The following ACTN2 variants were observed in gnomAD, a reference collection of about 807,000 sequenced individuals.
The protein encoded by ACTN2 is actinin alpha 2.
ACTN2 carries 39 observed loss-of-function variants against 113.8 expected under a neutral mutation model. The ratio of observed to expected loss-of-function variants is 0.34; its 90% confidence interval spans 0.27 to 0.45. The LOEUF is 0.45. Among genes scored for constraint, ACTN2 ranks in the 20% least tolerant of loss-of-function variants. The pLI, the probability that ACTN2 is intolerant of heterozygous loss-of-function variation, is 1.00. For missense variants in ACTN2, 992 were observed against 1,177.9 expected, an observed-to-expected ratio of 0.84 and a Z score of 2.31; for synonymous variants, 429 against 444.1, an observed-to-expected ratio of 0.97 and a Z score of 0.43.
chr1:236,745,170 C>T (rs936331723), intron 12 of ACTN2, among the ~76,000 whole-genome samples: 36 of 152,132 alleles, frequency 2.4e-4, no homozygotes, highest in African/African-American at 7.7e-4. Context: ...CGCGGTGGCT[C>T]ACGCCTGTAA....
chr1:236,755,939 G>T (rs35801202), intron 17 of ACTN2, among the ~76,000 whole-genome samples: 18 of 12,922 alleles, frequency 1.4e-3, no homozygotes, highest in Admixed American at 4.4e-3. Context: ...TACTGCAGAG[G>T]GCCCGCTGCC....
rs185745549 is a variant in ACTN2 at position 236,760,033 on chromosome 1, G to T, written c.2367+244G>T. On this transcript the variant is annotated intron_variant, in intron 19 of 20. Transcript: ENST00000366578. ...GGCCGAGGCGGATGGATCACCTGAG[G>T]TCAGGGGTTTGAGACCAGCCTAACC... Among the ~76,000 whole-genome samples the T allele has an allele frequency of 5.9e-5, 9 of 152,328 alleles. No homozygotes were observed. In the East Asian group the frequency reaches 1.7e-3, roughly 29 times the overall value.
intron 1 of ACTN2, among the ~76,000 whole-genome samples, chr1:236,709,255 T>TATACACAC (rs796606511): frequency 0.047 from 3,238 of 68,388 alleles, 141 homozygotes; most frequent in Non-Finnish European, 0.07. Flanking sequence ...TATATATATA[T>TATACACAC]ACACACACAC....
chr1:236,727,185 GA>G (rs3835676), intron 5 of ACTN2, among the ~76,000 whole-genome samples: 130,219 of 151,474 alleles, frequency 0.86, 57,026 homozygotes, highest in East Asian at 0.96. Flanking sequence ...AAAAGAAAAA[GA>G]AAAAAAAAAG....
chr1:236,751,516 C>T lies in ACTN2; in HGVS notation c.1703C>T (p.Ala568Val), dbSNP rs776805533. The change falls in exon 15 of 21, where the codon GCG (alanine) becomes GTG (valine). Residue 568 changes from alanine to valine, a missense_variant. Coordinates refer to ENST00000366578, the MANE Select transcript of ACTN2 (RefSeq NM_001103.4). ...CAGTTCAAGGCCACGCTGCCCGAGG[C>T]GGACGGAGAGCGGCAGTCCATCATG... The part of the protein sequence containing the change: ...HEQFKATLPE[A>V]DGERQSIMAI... The T allele has an allele frequency of 6.2e-7, 1 of 1,614,102 alleles. No individual in the cohort carries two copies. The highest frequency in any genetic ancestry group is 8.5e-7 in the Non-Finnish European group (1 of 1,180,006).
chr1:236,689,146 G>A (rs962219468), intron 1 of ACTN2, among the ~76,000 whole-genome samples: 2 of 151,998 alleles, frequency 1.3e-5, no homozygotes, highest in Admixed American at 6.5e-5. Context: ...GCGTTTCAAC[G>A]TGTCTACCTT....
Position 236,763,857 on chromosome 1 carries a change from C to G in ACTN2, c.*1238C>G, listed in dbSNP as rs964827422. On this transcript the variant is annotated 3_prime_UTR_variant, in exon 21 of 21. Transcript: ENST00000366578. ...TTGATCTGTTGAATGTTCATTCTTT[C>G]TTTTTGCTCATACTGCTGTAGGCTA... 1.3e-5 allele frequency: 2 copies of G among 152,164 alleles called. No individual in the cohort carries two copies. Among genetic ancestry groups the G allele is most frequent in the African/African-American group, 4.8e-5 (2 of 41,440 alleles). The allele number at this position is 152,164 out of a possible 1,614,324, so 9.4% of individuals were successfully genotyped here.
intron 10 of ACTN2, among the ~76,000 whole-genome samples, chr1:236,739,769 G>A (rs936461611): frequency 2.6e-4 from 40 of 152,236 alleles, no homozygotes; most frequent in South Asian, 6.2e-4. Context: ...TTTAGGAAAC[G>A]CTCGATGAAC....
At chr1:236,722,990 A>G (rs900730797) in intron 4 of ACTN2, among the ~76,000 whole-genome samples, 1 of 152,220 alleles carries the variant, frequency 6.6e-6, no homozygotes, top group Non-Finnish European at 1.5e-5. Flanking sequence ...TGAAGAAGGA[A>G]AAAGCCTTGT....
chr1:236,744,754 G>T lies in ACTN2; in HGVS notation c.1384G>T (p.Ala462Ser), dbSNP rs376923220. Residue 462 changes from alanine to serine, a missense_variant, in exon 12 of 21, where the codon GCA (alanine) becomes TCA (serine). Coordinates refer to ENST00000366578, the MANE Select transcript of ACTN2 (RefSeq NM_001103.4). ...AAHQDRVEQI[A>S]AIAQELNELD... ...GCACCAGGACCGCGTGGAGCAGATCGCAGCCATCGCGCAGGAGCTCAAGTA... is the reference window on the plus strand; with the variant it reads ...GCACCAGGACCGCGTGGAGCAGATCTCAGCCATCGCGCAGGAGCTCAAGTA... 20 of 1,613,992 alleles carry T rather than the reference G, an allele frequency of 1.2e-5. No individual in the cohort carries two copies. Among genetic ancestry groups the T allele is most frequent in the Middle Eastern group, 1.6e-4 (1 of 6,084 alleles).
rs1031402132 is a variant in ACTN2, at chr1:236,735,801, G to A, written c.783+81G>A. 39 of 1,192,478 alleles carry A rather than the reference G, an allele frequency of 3.3e-5. No homozygotes were observed. In the African/African-American group the frequency reaches 5.4e-4, roughly 17 times the overall value. The allele number at this position is 1,192,478 out of a possible 1,614,324, so 73.9% of individuals were successfully genotyped here. On this transcript the variant is annotated intron_variant, in intron 8 of 20. Transcript: ENST00000366578. ...TGTGTGCATACTTGAGTGTGTGTTTGTGCGCTTCACATCTTACCTTGGAAT... is the reference window on the plus strand; with the variant it reads ...TGTGTGCATACTTGAGTGTGTGTTTATGCGCTTCACATCTTACCTTGGAAT...
chr1:236,734,433 A>G (rs1427046497), intron 7 of ACTN2: 2 of 1,533,754 alleles, frequency 1.3e-6, no homozygotes, highest in African/African-American at 1.4e-5. Flanking sequence ...CTCCACACAG[A>G]TTTAGTATAC....
At position 236,754,214 on chromosome 1, in the gene ACTN2, C is replaced by T. The variant is rs1659485739; in HGVS notation, c.1974+133C>T. On this transcript the variant is annotated intron_variant, in intron 16 of 20. Coordinates refer to ENST00000366578, the MANE Select transcript of ACTN2 (RefSeq NM_001103.4). The surrounding 1 kb of genome is among the most constrained non-coding windows in gnomAD (Gnocchi z 4.9). The stretch of plus-strand genomic sequence containing the variant: ...AGGTGGGAGCACCGTTCTGTTATCA[C>T]CCCGGCTTTATCTTTCAGCCCCTGG... 5 of 1,228,782 alleles carry T rather than the reference C, an allele frequency of 4.1e-6. No individual in the cohort carries two copies. In the Admixed American group the frequency reaches 5.7e-5, roughly 14 times the overall value. 76.1% of individuals were successfully genotyped at this position (1,228,782 alleles called of 1,614,324 possible).
At chr1:236,690,141 C>T (rs1371409081) in intron 1 of ACTN2, among the ~76,000 whole-genome samples, 2 of 152,154 alleles carry the variant, frequency 1.3e-5, no homozygotes, top group Non-Finnish European at 2.9e-5. Flanking sequence ...CTTGGAGCAC[C>T]TCCTGTCAGT....
intron 7 of ACTN2, among the ~76,000 whole-genome samples, chr1:236,735,318 G>A (rs1572128689): frequency 6.6e-6 from 1 of 152,152 alleles, no homozygotes; most frequent in Admixed American, 6.5e-5. Context: ...GGGGTAACAA[G>A]CTCTGATCTG....
intron 1 of ACTN2, among the ~76,000 whole-genome samples, chr1:236,709,253 T>TAC (rs376883077): frequency 5.7e-3 from 399 of 70,170 alleles, no homozygotes; most frequent in Middle Eastern, 0.024. Context: ...TATATATATA[T>TAC]ATACACACAC....
chr1:236,743,028 G>A lies in ACTN2; in HGVS notation c.1240G>A (p.Glu414Lys), dbSNP rs1558243189. 3.1e-6 allele frequency: 5 copies of A among 1,614,132 alleles called. No homozygotes were observed. The highest frequency in any genetic ancestry group is 4.2e-6 in the Non-Finnish European group (5 of 1,180,026). The change falls in exon 11 of 21, where the codon GAG becomes AAG. Residue 414 changes from glutamate to lysine, a missense_variant. Transcript: ENST00000366578. ...EKFRQKASTH[E>K]TWAYGKEQIL... ...GTTCAGGCAGAAGGCCTCAACGCAC[G>A]AGACTTGGGCTTATGGTAAGTAGAC...
At chr1:236,697,317 C>A (rs888962832) in intron 1 of ACTN2, among the ~76,000 whole-genome samples, 26 of 152,138 alleles carry the variant, frequency 1.7e-4, no homozygotes, top group Admixed American at 9.2e-4. Flanking sequence ...CAGAGCAAGA[C>A]CCTGTCTCAA....
rs1657926864 is a variant in ACTN2 at position 236,709,229 on chromosome 1, T to TAC, written c.127-8628_127-8627insCA. 5.3e-5 allele frequency among the ~76,000 whole-genome samples: 3 copies of TAC among 57,042 alleles called. 1 individual carries two copies. The highest frequency in any genetic ancestry group is 1.5e-4 in the African/African-American group (3 of 20,136). The allele number at this position is 57,042 out of a possible 152,430, so 37.4% of individuals were successfully genotyped here. On this transcript the variant is annotated intron_variant, in intron 1 of 20. Transcript: ENST00000366578. ...ATCATGACAAATGACTGTATATATATATATATATATATATATATATATATA... is the reference window on the plus strand; with the variant it reads ...ATCATGACAAATGACTGTATATATATACATATATATATATATATATATATATA...
Sources: gnomAD v4.1 joint callset for allele counts (sites outside exome capture counted in the v4.1 genomes callset) on GRCh38, gnomAD v4.1.1 for gene constraint, Gnocchi (gnomAD v3.1) non-coding constraint, MANE v1.5 for transcripts, NCBI Gene and HGNC (gene_info 2026-07-23, HGNC 2026-07-21) for gene names.